The following TDG variants were observed in gnomAD, a reference collection of about 807,000 sequenced individuals.
TDG encodes the protein G/T mismatch-specific thymine DNA glycosylase.
Under a neutral mutation model 46.1 loss-of-function variants are expected in TDG, and 23 were observed. That is an observed-to-expected ratio of 0.50 (90% CI 0.36 to 0.71). The LOEUF (loss-of-function observed/expected upper bound fraction) is 0.71, where lower values mean the gene tolerates loss of function less well. Ranked by LOEUF, TDG falls within the 30% of genes least tolerant of loss-of-function variation. The probability of loss-of-function intolerance (pLI) is 0.00; values close to 1 mark genes in which losing one functional copy is unlikely to be tolerated. For synonymous variants in TDG, 115 were observed against 161.3 expected (o/e 0.71, Z 2.18); for missense variants, 304 against 486.7 (o/e 0.62, Z 3.53).
intron 2 of TDG, among the ~76,000 whole-genome samples, chr12:103,978,899 A>G (rs1027893422): frequency 2.0e-5 from 3 of 152,082 alleles, no homozygotes; most frequent in African/African-American, 7.2e-5. Context: ...ACAAAAAATT[A>G]TGCAACCTAA....
intron 7 of TDG, among the ~76,000 whole-genome samples, chr12:103,983,709 C>T (rs1486004806): frequency 6.6e-6 from 1 of 152,114 alleles, no homozygotes; most frequent in African/African-American, 2.4e-5. Flanking sequence ...TGGTTTAGCC[C>T]TCGTACTGTT....
In TDG at chr12:103,977,587, A is replaced by G. The variant is rs188970716; in HGVS notation, c.166+527A>G. Reference sequence around the variant, plus strand: ...TGGGATATAACAAGGAAATGGTGAGAGGTGAGGCTGGATGGGGACAGTTGA... The same window carrying G: ...TGGGATATAACAAGGAAATGGTGAGGGGTGAGGCTGGATGGGGACAGTTGA... On this transcript the variant is annotated intron_variant, in intron 2 of 9. Coordinates refer to ENST00000392872, the MANE Select transcript of TDG (RefSeq NM_003211.6). Among the ~76,000 whole-genome samples the G allele has an allele frequency of 1.9e-3, 286 of 152,322 alleles. 2 individuals are homozygous for G. Among genetic ancestry groups the G allele is most frequent in the African/African-American group, 6.5e-3 (270 of 41,580 alleles).
intron 2 of TDG, 118 bp from the exon 3 acceptor site, chr12:103,979,713 A>C: frequency 2.4e-5 from 31 of 1,289,366 alleles, no homozygotes; most frequent in Non-Finnish European, 3.1e-5. Context: ...TGGGACTGTA[A>C]GAGCTTAATT....
chr12:103,972,991 CAT>C (rs1359743568), intron 1 of TDG: 3 of 699,910 alleles, frequency 4.3e-6, no homozygotes, highest in African/African-American at 1.8e-5. Context: ...CAAAATGGGA[CAT>C]GTGAAATTCT....
rs778077554 is a variant in TDG, at chr12:103,983,336, G to A, written c.739G>A (p.Val247Ile). The change falls in exon 7 of 10, where the codon GTT (valine) becomes ATT (isoleucine). Residue 247 changes from valine to isoleucine, a missense_variant. By Grantham distance (29) the Val-to-Ile change is conservative (BLOSUM62 3). Transcript: ENST00000392872. Reference protein sequence around the residue: ...IFSKEVFGVKVKNLEFGLQPH... With the variant: ...IFSKEVFGVKIKNLEFGLQPH... The stretch of plus-strand genomic sequence containing the variant: ...TAGTAAAGAAGTTTTTGGAGTAAAG[G>A]TTAAGAACTTGGAATTTGGGCTTCA... 3.8e-6 allele frequency: 6 copies of A among 1,598,346 alleles called. No individual in the cohort carries two copies. Among genetic ancestry groups the A allele is most frequent in the Non-Finnish European group, 5.1e-6 (6 of 1,175,372 alleles).
Position 103,968,845 on chromosome 12 carries a change from T to C in TDG, c.23+2785T>C, listed in dbSNP as rs1871172347. ...ACTGAGCATTTTTAAAAGAAACTAA[T>C]TGACCGGGCACAGTGGCTGACGCCT... On this transcript the variant is annotated intron_variant, in intron 1 of 9. Transcript: ENST00000392872. Among the ~76,000 whole-genome samples, 4 of 152,224 alleles carry C rather than the reference T, an allele frequency of 2.6e-5. No individual in the cohort carries two copies. The South Asian group carries it at 8.3e-4, about 31-fold the overall frequency.
chr12:103,966,930 A>G (rs960037446), intron 1 of TDG, among the ~76,000 whole-genome samples: 4 of 152,214 alleles, frequency 2.6e-5, no homozygotes, highest in Non-Finnish European at 4.4e-5. Context: ...TGATTCTGAC[A>G]TGCCGAGAAT....
In TDG at chr12:103,966,073, C is replaced by T. The variant is rs757903781; in HGVS notation, c.23+13C>T. 3.2e-6 allele frequency: 5 copies of T among 1,560,090 alleles called. No homozygotes were observed. The highest frequency in any genetic ancestry group is 4.3e-6 in the Non-Finnish European group (5 of 1,152,786). ...AGAACGCGGGCAGGTAATACCGGGG[C>T]CAGCGCCGCCCCTCCCTTGCGCCCC... is the stretch of plus-strand genomic sequence containing the variant. On this transcript the variant is annotated intron_variant, in intron 1 of 9. Transcript: ENST00000392872.
chr12:103,967,413 T>C (rs1374247164), intron 1 of TDG, among the ~76,000 whole-genome samples: 1 of 151,772 alleles, frequency 6.6e-6, no homozygotes, highest in African/African-American at 2.4e-5. Context: ...TTGACTGTGC[T>C]AATCAAGAAA....
chr12:103,973,775 TAGTTA>T (rs1871384534), intron 1 of TDG, among the ~76,000 whole-genome samples: 1 of 152,256 alleles, frequency 6.6e-6, no homozygotes, highest in Admixed American at 6.5e-5. Flanking sequence ...TGTGTAGCCT[TAGTTA>T]TACTATTTTG....
intron 1 of TDG, among the ~76,000 whole-genome samples, chr12:103,970,468 CCT>C (rs1158476528): frequency 2.0e-5 from 3 of 149,348 alleles, no homozygotes; most frequent in African/African-American, 7.4e-5. Flanking sequence ...GCAGCCAGAC[CCT>C]GTCTCTTAAA....
intron 8 of TDG, 41 bp downstream of exon 8, chr12:103,984,961 G>GTA: frequency 6.8e-7 from 1 of 1,473,816 alleles, no homozygotes. Context: ...TTTTGTGTGT[G>GTA]TATATATACA....
intron 2 of TDG, among the ~76,000 whole-genome samples, chr12:103,977,835 G>A (rs143661042): frequency 1.3e-5 from 2 of 152,074 alleles, no homozygotes; most frequent in Admixed American, 6.6e-5. Flanking sequence ...AGGCTGAGGC[G>A]GGTAGATCAC....
intron 2 of TDG, among the ~76,000 whole-genome samples, chr12:103,977,791 C>T (rs1871611416): frequency 6.6e-6 from 1 of 152,138 alleles, no homozygotes; most frequent in Admixed American, 6.6e-5. Flanking sequence ...AGGCCGGGCA[C>T]AGTGGCTCAT....
intron 4 of TDG, 26 bp from the exon 5 acceptor site, chr12:103,982,769 AAAAT>A (rs756102063): frequency 1.3e-5 from 21 of 1,610,958 alleles, no homozygotes; most frequent in African/African-American, 2.7e-5. Flanking sequence ...TGTCTAAAAA[AAAAT>A]AAATAACTGA....
chr12:103,977,619 T>C (rs1195349796), intron 2 of TDG, among the ~76,000 whole-genome samples: 1 of 152,208 alleles, frequency 6.6e-6, no homozygotes, highest in Non-Finnish European at 1.5e-5. Context: ...TTGAAACTTG[T>C]TTTTTAATCC....
intron 1 of TDG, among the ~76,000 whole-genome samples, chr12:103,976,714 A>G (rs577682879): frequency 3.2e-4 from 48 of 152,306 alleles, no homozygotes; most frequent in African/African-American, 1.1e-3. Flanking sequence ...GCAAGAGTTA[A>G]TGGTTGGTTA....
At chr12:103,974,902 G>C (rs1360624728) in intron 1 of TDG, among the ~76,000 whole-genome samples, 2 of 150,040 alleles carry the variant, frequency 1.3e-5, no homozygotes, top group African/African-American at 2.5e-5. Flanking sequence ...GTGAACCCGG[G>C]AGGCGGAGCT....
At chr12:103,976,732 C>G (rs1871563486) in intron 1 of TDG, among the ~76,000 whole-genome samples, 186 bp from the exon 2 acceptor site, 1 of 152,158 alleles carries the variant, frequency 6.6e-6, no homozygotes, top group African/African-American at 2.4e-5. Context: ...TTATTAAGCA[C>G]TCAGTAAAGG....
Sources: allele counts gnomAD v4.1 joint callset (sites outside exome capture counted in the v4.1 genomes callset), GRCh38; gene constraint gnomAD v4.1.1; transcripts MANE v1.5; gene names NCBI Gene and HGNC (gene_info 2026-07-23, HGNC 2026-07-21).